The following EIF3H variants were observed in gnomAD, a reference collection of about 807,000 sequenced individuals.
EIF3H encodes the protein eIF-3-gamma.
A neutral mutation model predicts 44.2 loss-of-function variants in EIF3H; 26 were observed. The observed-to-expected ratio is 0.59, with a 90% confidence interval of 0.43 to 0.82. The LOEUF (loss-of-function observed/expected upper bound fraction) is 0.82, where lower values mean the gene tolerates loss of function less well. Ranked by LOEUF, EIF3H falls within the 40% of genes least tolerant of loss-of-function variation. EIF3H has a pLI of 0.00. For synonymous variants in EIF3H, 166 were observed against 151.9 expected (o/e 1.09, Z -0.68); for missense variants, 359 against 432.8 (o/e 0.83, Z 1.51).
intron 2 of EIF3H, among the ~76,000 whole-genome samples, chr8:116,720,558 G>A (rs574832380): frequency 6.6e-6 from 1 of 152,326 alleles, no homozygotes; most frequent in South Asian, 2.1e-4. Context: ...GTTGGGTGCT[G>A]CTGTAAATAC....
chr8:116,687,784 T>C (rs1000529945), intron 2 of EIF3H, among the ~76,000 whole-genome samples: 2 of 152,162 alleles, frequency 1.3e-5, no homozygotes, highest in South Asian at 2.1e-4. Flanking sequence ...CTTTTAAAGA[T>C]ACTTAGAAAC....
At chr8:116,730,644 A>T (rs578226557) in intron 1 of EIF3H, among the ~76,000 whole-genome samples, 2 of 152,352 alleles carry the variant, frequency 1.3e-5, no homozygotes, top group African/African-American at 4.8e-5. Flanking sequence ...CATAGATTCG[A>T]AGTATCTTTT....
intron 6 of EIF3H, among the ~76,000 whole-genome samples, chr8:116,647,425 T>C (rs1317777251): frequency 1.3e-5 from 2 of 152,228 alleles, no homozygotes; most frequent in Admixed American, 1.3e-4. Flanking sequence ...TAACAGATAA[T>C]TGTCTGTACC....
At chr8:116,752,661 A>C (rs1334403576) in intron 1 of EIF3H, among the ~76,000 whole-genome samples, 3 of 130,648 alleles carry the variant, frequency 2.3e-5, no homozygotes, top group East Asian at 2.1e-4. Context: ...ATCAAGACAG[A>C]AATGAAGAAA....
chr8:116,658,670 G>T, intron 3 of EIF3H, 143 bp downstream of exon 3: 1 of 714,080 alleles, frequency 1.4e-6, no homozygotes, highest in African/African-American at 1.8e-5. Context: ...TCTAGACTGA[G>T]CTGCTGCTGA....
At chr8:116,656,603 G>A (rs369704467) in intron 4 of EIF3H, among the ~76,000 whole-genome samples, 12 of 152,064 alleles carry the variant, frequency 7.9e-5, no homozygotes, top group African/African-American at 2.4e-4. Flanking sequence ...GAGAAGAACC[G>A]TCCTACATGA....
upstream of EIF3H, among the ~76,000 whole-genome samples, chr8:116,758,790 G>A (rs1422622669): frequency 6.6e-6 from 1 of 152,036 alleles, no homozygotes; most frequent in Non-Finnish European, 1.5e-5. Flanking sequence ...GAAGTCTCCA[G>A]GAAAATTTTA....
At chr8:116,685,121 C>G (rs770318307) in intron 2 of EIF3H, among the ~76,000 whole-genome samples, 5 of 152,160 alleles carry the variant, frequency 3.3e-5, no homozygotes, top group Non-Finnish European at 7.4e-5. Context: ...TTAGGTTATA[C>G]AAGACTGTGT....
intron 1 of EIF3H, among the ~76,000 whole-genome samples, chr8:116,747,301 G>A (rs1346187013): frequency 6.6e-6 from 1 of 152,140 alleles, no homozygotes; most frequent in East Asian, 1.9e-4. Flanking sequence ...CCTGACCTCA[G>A]GTGATCCGCC....
At chr8:116,653,855 G>A (rs147080505) in intron 5 of EIF3H, among the ~76,000 whole-genome samples, 3 of 152,184 alleles carry the variant, frequency 2.0e-5, no homozygotes, top group African/African-American at 4.8e-5. Context: ...TGTTTTAGTC[G>A]TCGCAGAGAA....
At chr8:116,766,080 C>G (rs955691718) in exon 1 of EIF3H, 10 of 152,370 alleles carry the variant, frequency 6.6e-5, no homozygotes, top group Admixed American at 3.3e-4. Flanking sequence ...TACAAACCTC[C>G]CCACTCATAG....
intron 2 of EIF3H, among the ~76,000 whole-genome samples, chr8:116,678,897 C>T (rs1388249743): frequency 9.5e-5 from 12 of 125,986 alleles, no homozygotes; most frequent in African/African-American, 1.9e-4. Context: ...CCAGCCGCCC[C>T]GTCCGGGAGG....
chr8:116,667,658 ACT>A (rs1667336588), intron 2 of EIF3H, among the ~76,000 whole-genome samples: 2 of 152,244 alleles, frequency 1.3e-5, no homozygotes. Flanking sequence ...TTTTGGAGGT[ACT>A]GTTTGTAGTG....
rs553863184 is a variant in EIF3H at position 116,744,655 on chromosome 8, G to A, written c.132+11011C>T. On this transcript the variant is annotated intron_variant, in intron 1 of 7. Transcript: ENST00000521861. ...CTACCAGTAGTAGTTTACAAAAAACGAAGCCATATTCTCTTTAAGATATTA... is the reference window on the plus strand; with the variant it reads ...CTACCAGTAGTAGTTTACAAAAAACAAAGCCATATTCTCTTTAAGATATTA... 7.2e-5 allele frequency among the ~76,000 whole-genome samples: 11 copies of A among 152,238 alleles called. No homozygotes were observed. In the South Asian group the frequency reaches 2.1e-3, roughly 29 times the overall value.
At chr8:116,759,996 G>A (rs1217683280), upstream of EIF3H, among the ~76,000 whole-genome samples, 1 of 152,180 alleles carries the variant, frequency 6.6e-6, no homozygotes, top group Non-Finnish European at 1.5e-5. Flanking sequence ...TTCCCAAAGG[G>A]CTAGGATTAT....
intron 2 of EIF3H, among the ~76,000 whole-genome samples, chr8:116,681,441 C>A (rs554353895): frequency 2.6e-5 from 4 of 151,828 alleles, no homozygotes; most frequent in Non-Finnish European, 4.4e-5. Context: ...TCGAGGCGGG[C>A]GGATCACCTG....
chr8:116,747,255 G>A (rs1477082998), intron 1 of EIF3H, among the ~76,000 whole-genome samples: 1 of 152,076 alleles, frequency 6.6e-6, no homozygotes, highest in Admixed American at 6.5e-5. Context: ...TAGTAGAGAT[G>A]GGGTTTCGCC....
intron 2 of EIF3H, among the ~76,000 whole-genome samples, chr8:116,705,961 A>T (rs77779379): frequency 2.1e-5 from 3 of 142,680 alleles, no homozygotes; most frequent in African/African-American, 7.6e-5. Context: ...AAGTTTATTT[A>T]AAAAAAAAAA....
chr8:116,742,919 C>T (rs1404267703), intron 1 of EIF3H, among the ~76,000 whole-genome samples: 1 of 152,086 alleles, frequency 6.6e-6, no homozygotes, highest in Non-Finnish European at 1.5e-5. Flanking sequence ...AAAAGGGTTC[C>T]CATTTTCCTG....
Sources: gnomAD v4.1 joint callset for allele counts (sites outside exome capture counted in the v4.1 genomes callset) on GRCh38, gnomAD v4.1.1 for gene constraint, MANE v1.5 for transcripts, NCBI Gene and HGNC (gene_info 2026-07-23, HGNC 2026-07-21) for gene names.